PIWIL3: variants seen among roughly 807,000 people sequenced by gnomAD.
The protein encoded by PIWIL3 is piwi-like protein 3.
Under a neutral mutation model 109.7 loss-of-function variants are expected in PIWIL3, and 101 were observed. The ratio of observed to expected loss-of-function variants is 0.92; its 90% CI spans 0.78 to 1.09. The LOEUF (loss-of-function observed/expected upper bound fraction) is 1.09. Among genes scored for constraint, PIWIL3 ranks in the 50% least tolerant of loss-of-function variants. The pLI, the probability that PIWIL3 is intolerant of heterozygous loss-of-function variation, is 0.00. For missense variants in PIWIL3, 1,031 were observed against 1,072.6 expected, an observed-to-expected ratio of 0.96 and a Z score of 0.54; for synonymous variants, 373 against 376.4, an observed-to-expected ratio of 0.99 and a Z score of 0.10.
chr22:24,720,167 T>A (rs192852270), intron 19 of PIWIL3, among the ~76,000 whole-genome samples: 12 of 151,894 alleles, frequency 7.9e-5, no homozygotes, highest in African/African-American at 2.4e-4. Flanking sequence ...GATTGGCACA[T>A]TTGATCTGAT....
In PIWIL3 at chr22:24,727,840, C is replaced by A. The variant is rs191722803; in HGVS notation, c.2009+110G>T. 2.2e-5 allele frequency: 18 copies of A among 832,180 alleles called. No individual in the cohort carries two copies. The African/African-American group carries it at 3.1e-4, about 14-fold the overall frequency. 51.5% of individuals were successfully genotyped at this position (832,180 alleles called of 1,614,324 possible). A position where few individuals can be genotyped will look rare whatever the true frequency, so the allele number is the denominator to read the frequency against. On this transcript the variant is annotated intron_variant, in intron 16 of 20. Transcript: ENST00000616349. ...GGAGACTACATGATTAAGAATAACT[C>A]ATCTGTCAAATTCCCAACCTCTTGA...
intron 8 of PIWIL3, among the ~76,000 whole-genome samples, chr22:24,753,135 A>G (rs1323639151): frequency 1.3e-5 from 2 of 152,228 alleles, no homozygotes; most frequent in African/African-American, 2.4e-5. Context: ...TATAGTTTGA[A>G]TAAGTTTTTA....
At chr22:24,722,152 C>T (rs955260935) in intron 19 of PIWIL3, among the ~76,000 whole-genome samples, 12 of 152,048 alleles carry the variant, frequency 7.9e-5, no homozygotes, top group Non-Finnish European at 1.3e-4. Flanking sequence ...GCACGATCTC[C>T]GCTCACTGCA....
chr22:24,751,529 G>T, intron 8 of PIWIL3, 31 bp from the exon 9 acceptor site: 1 of 1,598,312 alleles, frequency 6.3e-7, no homozygotes, highest in South Asian at 1.1e-5. Flanking sequence ...GGTATTATTT[G>T]ACTTATTCAT....
intron 1 of PIWIL3, among the ~76,000 whole-genome samples, chr22:24,763,525 T>C (rs7288573): frequency 0.67 from 101,604 of 151,842 alleles, 34,267 homozygotes; most frequent in East Asian, 0.74. Context: ...GTCGCGAACT[T>C]CTGACCTCAG....
rs1258083273 is a variant in PIWIL3, at chr22:24,756,552, A to G, written c.509T>C (p.Phe170Ser). ...TILLDQHRRK[F>S]GERHIFDGNS... ...TCCATCAAATATATGGCGCTCTCCA[A>G]ATTTCCTTCTATGTTGATCAAGTAA... is the stretch of plus-strand genomic sequence containing the variant. The change falls in exon 5 of 21, where the codon TTT (phenylalanine) becomes TCT (serine). Residue 170 changes from phenylalanine (F) to serine (S), a missense_variant. By Grantham distance (155) the Phe-to-Ser change is radical. Transcript: ENST00000616349. 6 of 1,614,068 alleles carry G rather than the reference A, an allele frequency of 3.7e-6. No homozygotes were observed. The highest frequency in any genetic ancestry group is 1.1e-5 in the South Asian group (1 of 91,084).
intron 14 of PIWIL3, among the ~76,000 whole-genome samples, chr22:24,733,636 T>C (rs1418104730): frequency 6.6e-6 from 1 of 152,008 alleles, no homozygotes; most frequent in African/African-American, 2.4e-5. Flanking sequence ...GCCGAGATCA[T>C]GCCACTTCAC....
Position 24,721,511 on chromosome 22 carries a change from A to C in PIWIL3, c.2358-1616T>G, listed in dbSNP as rs74390912. Among the ~76,000 whole-genome samples, 1,297 of 152,264 alleles carry C rather than the reference A, an allele frequency of 8.5e-3. 15 individuals carry two copies. Among genetic ancestry groups the C allele is most frequent in the African/African-American group, 0.029 (1,199 of 41,536 alleles). On this transcript the variant is annotated intron_variant, in intron 19 of 20. Transcript: ENST00000616349. ...TGAAACTTCTATTTGGTATAGAGCA[A>C]ATCTTATTTTGCCTTACATTTTTCT...
chr22:24,740,015 G>C lies in PIWIL3; in HGVS notation c.1450-4123C>G, dbSNP rs140879355. Among the ~76,000 whole-genome samples, 616 of 142,256 alleles carry C rather than the reference G, an allele frequency of 4.3e-3. 6 individuals carry two copies. Among genetic ancestry groups the C allele is most frequent in the African/African-American group, 0.015 (558 of 37,572 alleles). The allele number at this position is 142,256 out of a possible 152,430, so 93.3% of individuals were successfully genotyped here. A position where few individuals can be genotyped will look rare whatever the true frequency, so the allele number is the denominator to read the frequency against. ...GCACTGAGCCAAGATGGTGCCCACT[G>C]CACCCCAGCCTGGGGGACAAAGTGA... On this transcript the variant is annotated intron_variant, in intron 12 of 20. Transcript: ENST00000616349.
At chr22:24,755,690 A>G in intron 6 of PIWIL3, 94 bp downstream of exon 6, 1 of 1,493,648 alleles carries the variant, frequency 6.7e-7, no homozygotes, top group Non-Finnish European at 9.2e-7. Context: ...ACTAGGAAGA[A>G]CACTAAGTGC....
At position 24,728,030 on chromosome 22, in the gene PIWIL3, G is replaced by A. The variant is rs1293996591; in HGVS notation, c.1929C>T (p.Gly643=). 1 of 1,613,998 alleles carries A rather than the reference G, an allele frequency of 6.2e-7. No individual in the cohort carries two copies. The highest frequency in any genetic ancestry group is 8.5e-7 in the Non-Finnish European group (1 of 1,179,972). Residue 643 remains glycine, a synonymous_variant, in exon 16 of 21, where the codon GGC becomes GGT. Transcript: ENST00000616349. ...ETDVQRTMFV[G]IDCFHDIVNR... is the part of the protein sequence containing the mutation. ...TTACGATATCGTGGAAACAATCAAT[G>A]CCAACGAACATTGTTCTTTGTACCT... is the stretch of plus-strand genomic sequence containing the variant.
chr22:24,753,943 T>C (rs371636302), intron 8 of PIWIL3, 71 bp downstream of exon 8: 11 of 1,325,180 alleles, frequency 8.3e-6, no homozygotes, highest in Non-Finnish European at 1.1e-5. Flanking sequence ...TAGAAAACTA[T>C]AGGACCATCT....
At chr22:24,725,652 C>G in intron 16 of PIWIL3, 137 bp from the exon 17 acceptor site, 1 of 840,230 alleles carries the variant, frequency 1.2e-6, no homozygotes, top group Non-Finnish European at 1.9e-6. Context: ...CTACGGAGAT[C>G]AAAGTATTGG....
intron 12 of PIWIL3, 38 bp from the exon 13 acceptor site, chr22:24,735,930 T>C (rs753683127): frequency 2.0e-6 from 3 of 1,491,256 alleles, no homozygotes; most frequent in East Asian, 4.6e-5. Flanking sequence ...AAAACTTTAT[T>C]TTAAAGATCA....
chr22:24,759,950 G>C lies in PIWIL3; in HGVS notation c.142C>G (p.Leu48Val), dbSNP rs1214494673. The stretch of plus-strand genomic sequence containing the variant: ...CTAACCACTGGGACTTCCTCCTGCA[G>C]CGGCCGGGGTGTCGACTGCAACTGA... ...PPQLQSTPRP[L>V]QEEVPVVRPL... is the part of the protein sequence containing the mutation. Residue 48 changes from leucine to valine, a missense_variant, in exon 3 of 21, where the codon CTG (leucine) becomes GTG (valine). Leu to Val is a conservative substitution (Grantham distance 32, BLOSUM62 1). Transcript: ENST00000616349. 6.2e-7 allele frequency: 1 copy of C among 1,614,132 alleles called. No homozygotes were observed. The highest frequency in any genetic ancestry group is 1.7e-5 in the Admixed American group (1 of 60,006).
chr22:24,757,738 T>C (rs553013274), intron 4 of PIWIL3, among the ~76,000 whole-genome samples, 170 bp downstream of exon 4: 59 of 95,436 alleles, frequency 6.2e-4, no homozygotes, highest in Middle Eastern at 5.6e-3. Context: ...TCCCAGCTAC[T>C]TGAGCTGGGA....
chr22:24,744,527 C>T (rs1159169058), intron 12 of PIWIL3, among the ~76,000 whole-genome samples: 1 of 152,032 alleles, frequency 6.6e-6, no homozygotes, highest in African/African-American at 2.4e-5. Flanking sequence ...GAGCCGAGAT[C>T]ATGCCACTGC....
At chr22:24,760,832 G>C (rs928650445) in intron 2 of PIWIL3, among the ~76,000 whole-genome samples, 15 of 144,284 alleles carry the variant, frequency 1.0e-4, no homozygotes, top group African/African-American at 3.3e-4. Context: ...GCAGAGGAAC[G>C]ACATGAACTA....
chr22:24,753,657 T>A (rs1323872519), intron 8 of PIWIL3, among the ~76,000 whole-genome samples: 1 of 152,232 alleles, frequency 6.6e-6, no homozygotes, highest in African/African-American at 2.4e-5. Flanking sequence ...AGAAAGATTT[T>A]AAAACTTCCT....
Sources: gnomAD v4.1 joint callset for allele counts (sites outside exome capture counted in the v4.1 genomes callset) on GRCh38, gnomAD v4.1.1 for gene constraint, MANE v1.5 for transcripts, NCBI Gene and HGNC (gene_info 2026-07-23, HGNC 2026-07-21) for gene names.